TRPM6: variants seen among roughly 807,000 people sequenced by gnomAD.
The protein encoded by TRPM6 is transient receptor potential cation channel subfamily M member 6.
Under a neutral mutation model 247.6 loss-of-function variants are expected in TRPM6, and 111 were observed. The observed-to-expected ratio is 0.45, with a 90% CI of 0.38 to 0.52. The LOEUF (loss-of-function observed/expected upper bound fraction) is 0.52, where lower values mean the gene tolerates loss of function less well. TRPM6 is among the 20% of genes least tolerant of loss of function. The pLI is 0.00. For missense variants in TRPM6, 2,126 were observed against 2,421.5 expected (o/e 0.88, Z 2.56); for synonymous variants, 892 against 853.8 (o/e 1.04, Z -0.78).
At chr9:74,769,208 C>T (rs867638676) in intron 25 of TRPM6, among the ~76,000 whole-genome samples, 2 of 152,212 alleles carry the variant, frequency 1.3e-5, no homozygotes, top group Admixed American at 6.5e-5. Context: ...TGCAGTGGTG[C>T]GATTTCAGCT....
rs567563497 is a variant in TRPM6, at chr9:74,777,873, G to A, written c.3210-1797C>T. ...CTAGCACTCTGCAGTCGTGCATTTA[G>A]TTTTCTTTAAGAACAAACAAATCAG... is the stretch of plus-strand genomic sequence containing the variant. On this transcript the variant is annotated intron_variant, in intron 23 of 38. Transcript: ENST00000360774. Among the ~76,000 whole-genome samples, 127 of 152,274 alleles carry A rather than the reference G, an allele frequency of 8.3e-4. No homozygotes were observed. In the South Asian group the frequency reaches 0.026, roughly 31 times the overall value.
chr9:74,785,458 A>G (rs1827609229), intron 21 of TRPM6, among the ~76,000 whole-genome samples: 3 of 152,356 alleles, frequency 2.0e-5, no homozygotes, highest in Admixed American at 2.0e-4. Context: ...TTGTATGCCT[A>G]TATCAAAATA....
chr9:74,775,144 T>C (rs969861312), intron 24 of TRPM6, among the ~76,000 whole-genome samples: 2 of 152,182 alleles, frequency 1.3e-5, no homozygotes, highest in African/African-American at 4.8e-5. Context: ...CAAGATGAAT[T>C]AGGAAAACCT....
At chr9:74,832,411 T>C (rs948064723) in intron 6 of TRPM6, among the ~76,000 whole-genome samples, 4 of 152,128 alleles carry the variant, frequency 2.6e-5, no homozygotes, top group Admixed American at 2.6e-4. Flanking sequence ...AGAAACCCTG[T>C]TTTTGAAAAA....
intron 36 of TRPM6, among the ~76,000 whole-genome samples, 153 bp downstream of exon 36, chr9:74,738,254 T>C (rs1439205356): frequency 6.6e-6 from 1 of 152,182 alleles, no homozygotes; most frequent in Admixed American, 6.5e-5. Context: ...GCAGATTCCA[T>C]GATTATCACT....
rs1417418110 is a variant in TRPM6, at chr9:74,804,003, A to G, written c.1639-117T>C. On this transcript the variant is annotated intron_variant, in intron 14 of 38. Transcript: ENST00000360774. ...AACAATATTTTATTTCTAGACAATA[A>G]TGAAAACCAAATATAATGTTGTGTC... The G allele has an allele frequency of 5.4e-6, 4 of 747,292 alleles. No homozygotes were observed. The East Asian group carries it at 1.1e-4, about 20-fold the overall frequency. The allele number at this position is 747,292 out of a possible 1,614,324, so 46.3% of individuals were successfully genotyped here.
At chr9:74,866,488 T>G (rs924364477) in intron 1 of TRPM6, among the ~76,000 whole-genome samples, 1 of 152,202 alleles carries the variant, frequency 6.6e-6, no homozygotes, top group East Asian at 1.9e-4. Context: ...GTTTTTTGTT[T>G]TTTTGTTTTT....
At chr9:74,812,153 G>A in intron 12 of TRPM6, 146 bp downstream of exon 12, 8 of 1,015,884 alleles carry the variant, frequency 7.9e-6, no homozygotes, top group Non-Finnish European at 1.2e-5. Context: ...AAGAAGCCTG[G>A]AACTAGATCC....
At chr9:74,809,156 T>C (rs747938587) in intron 13 of TRPM6, among the ~76,000 whole-genome samples, 4 of 152,146 alleles carry the variant, frequency 2.6e-5, no homozygotes, top group Non-Finnish European at 5.9e-5. Context: ...ATAAAGAGAA[T>C]ATTGCAATAA....
At position 74,762,612 on chromosome 9, in the gene TRPM6, T is replaced by C. The variant is rs1439746109; in HGVS notation, c.4059A>G (p.Arg1353=). ...AGACAGTTTCTGCTGAAAAAGGAAC[T>C]CGCTTTAGATTAGAGGGGACCAGAA... is the stretch of plus-strand genomic sequence containing the variant. ...QFLLVPSNLK[R]VPFSAETVLP... Residue 1353 remains arginine, a synonymous_variant, in exon 26 of 39, where the codon CGA becomes CGG. Coordinates refer to ENST00000360774, the MANE Select transcript of TRPM6 (RefSeq NM_017662.5). The C allele has an allele frequency of 3.1e-6, 5 of 1,614,186 alleles. No individual in the cohort carries two copies. Among genetic ancestry groups the C allele is most frequent in the Non-Finnish European group, 3.4e-6 (4 of 1,180,038 alleles).
chr9:74,755,244 C>T (rs1380324549), intron 28 of TRPM6, 109 bp downstream of exon 28: 13 of 1,181,048 alleles, frequency 1.1e-5, no homozygotes, highest in Non-Finnish European at 1.5e-5. Flanking sequence ...TCTTCTCTTT[C>T]CCTCATCTCC....
At chr9:74,778,139 G>A (rs1284991593) in intron 23 of TRPM6, among the ~76,000 whole-genome samples, 5 of 152,136 alleles carry the variant, frequency 3.3e-5, no homozygotes, top group Admixed American at 6.5e-5. Context: ...CTTCAAGATC[G>A]AGAATCAGAG....
intron 30 of TRPM6, among the ~76,000 whole-genome samples, chr9:74,749,725 T>C (rs1466938328): frequency 6.6e-6 from 1 of 152,222 alleles, no homozygotes; most frequent in East Asian, 1.9e-4. Flanking sequence ...CAATTACGAT[T>C]ATTGTTCAAT....
At position 74,887,912 on chromosome 9, in the gene TRPM6, C is replaced by A; in HGVS notation, c.-56G>T. 2 of 1,608,576 alleles carry A rather than the reference C, an allele frequency of 1.2e-6. No homozygotes were observed. The highest frequency in any genetic ancestry group is 1.7e-6 in the Non-Finnish European group (2 of 1,175,406). ...CTGTCTGAGCTTTTAACTGTGGAGG[C>A]AGAAACTCTGGGCTCCACCTCCACA... On this transcript the variant is annotated 5_prime_UTR_variant, in exon 1 of 39. Coordinates refer to ENST00000360774, the MANE Select transcript of TRPM6 (RefSeq NM_017662.5).
At chr9:74,787,314 G>A (rs1827717103) in intron 20 of TRPM6, among the ~76,000 whole-genome samples, 1 of 148,232 alleles carries the variant, frequency 6.7e-6, no homozygotes, top group Non-Finnish European at 1.5e-5. Flanking sequence ...CAGCCTGGGT[G>A]ACAGAGCAAG....
intron 6 of TRPM6, among the ~76,000 whole-genome samples, chr9:74,832,841 A>G (rs1457858252): frequency 6.6e-6 from 1 of 152,180 alleles, no homozygotes; most frequent in Non-Finnish European, 1.5e-5. Context: ...ATCTGAGGTC[A>G]GGAGTTTGAG....
At chr9:74,756,031 G>A (rs567199339) in intron 27 of TRPM6, among the ~76,000 whole-genome samples, 9 of 152,184 alleles carry the variant, frequency 5.9e-5, no homozygotes, top group Admixed American at 2.6e-4. Flanking sequence ...ATATACTTCC[G>A]AGCTGCAGAA....
At chr9:74,792,385 T>C (rs1468353312) in intron 19 of TRPM6, among the ~76,000 whole-genome samples, 1 of 152,200 alleles carries the variant, frequency 6.6e-6, no homozygotes, top group Non-Finnish European at 1.5e-5. Context: ...TGCTAACTCT[T>C]AGCACTCAAA....
At chr9:74,877,394 G>T (rs538034507) in intron 1 of TRPM6, among the ~76,000 whole-genome samples, 65 of 152,272 alleles carry the variant, frequency 4.3e-4, no homozygotes, top group African/African-American at 1.5e-3. Context: ...ACTCCAGTGG[G>T]CCCTGAGACT....
Sources: gnomAD v4.1 joint callset for allele counts (sites outside exome capture counted in the v4.1 genomes callset) on GRCh38, gnomAD v4.1.1 for gene constraint, MANE v1.5 for transcripts, NCBI Gene and HGNC (gene_info 2026-07-23, HGNC 2026-07-21) for gene names.